Variants in MSRA observed in about 807,000 individuals in gnomAD.
MSRA encodes methionine sulfoxide reductase A, also known as mitochondrial peptide methionine sulfoxide reductase.
MSRA carries 54 observed loss-of-function variants against 31.3 expected under a neutral mutation model. The observed-to-expected ratio is 1.73, with a 90% CI of 1.39 to 2.17. The LOEUF (loss-of-function observed/expected upper bound fraction) is 2.17, where lower values mean the gene tolerates loss of function less well. MSRA is among the 30% of genes most tolerant of loss of function. The pLI is 0.00. For missense variants in MSRA, 507 were observed against 300.9 expected (o/e 1.69, Z -5.07); for synonymous variants, 169 against 116.5 (o/e 1.45, Z -2.90).
intron 2 of MSRA, among the ~76,000 whole-genome samples, chr8:10,235,920 C>T (rs138777678): frequency 6.6e-6 from 1 of 152,060 alleles, no homozygotes; most frequent in Non-Finnish European, 1.5e-5. Context: ...TAAAATAGCA[C>T]AGGTAGTTCA....
chr8:10,391,071 A>C (rs1392729663), intron 5 of MSRA, among the ~76,000 whole-genome samples: 1 of 152,150 alleles, frequency 6.6e-6, no homozygotes, highest in Non-Finnish European at 1.5e-5. Context: ...CTGGCACTTC[A>C]AAAAAGTAAA....
intron 2 of MSRA, among the ~76,000 whole-genome samples, chr8:10,228,521 A>G (rs748392716): frequency 3.9e-5 from 6 of 152,162 alleles, no homozygotes; most frequent in Non-Finnish European, 7.3e-5. Flanking sequence ...ATTTGATCCC[A>G]CAGCACCATC....
intron 1 of MSRA, among the ~76,000 whole-genome samples, chr8:10,073,213 C>T (rs990051921): frequency 6.6e-6 from 1 of 152,110 alleles, no homozygotes; most frequent in Non-Finnish European, 1.5e-5. Flanking sequence ...AAGCATTCAG[C>T]CTTTCACTAA....
intron 4 of MSRA, among the ~76,000 whole-genome samples, chr8:10,311,195 C>G (rs1417125581): frequency 3.9e-5 from 6 of 152,112 alleles, no homozygotes. Flanking sequence ...CCAAATTGCC[C>G]ACTGAAAGCA....
intron 1 of MSRA, among the ~76,000 whole-genome samples, chr8:10,189,448 C>A (rs1428816308): frequency 6.6e-6 from 1 of 152,112 alleles, no homozygotes; most frequent in Non-Finnish European, 1.5e-5. Context: ...AACGTTCGGT[C>A]TGTTACCATA....
chr8:10,391,022 T>G (rs1806711295), intron 5 of MSRA, among the ~76,000 whole-genome samples: 1 of 152,082 alleles, frequency 6.6e-6, no homozygotes, highest in Non-Finnish European at 1.5e-5. Context: ...TCTGAGTTTT[T>G]AGGGAGAAAC....
chr8:10,208,192 T>A (rs1461134965), intron 2 of MSRA, among the ~76,000 whole-genome samples: 1 of 151,912 alleles, frequency 6.6e-6, no homozygotes, highest in Non-Finnish European at 1.5e-5. Context: ...AGGGTTTGAG[T>A]TTTTCTTTGC....
chr8:10,134,479 G>A (rs1465469401), intron 1 of MSRA, among the ~76,000 whole-genome samples: 2 of 152,218 alleles, frequency 1.3e-5, no homozygotes, highest in African/African-American at 4.8e-5. Flanking sequence ...TCCCAAACAC[G>A]GTGACCGTGG....
chr8:10,226,808 C>T (rs1311167577), intron 2 of MSRA, among the ~76,000 whole-genome samples: 1 of 152,216 alleles, frequency 6.6e-6, no homozygotes, highest in Non-Finnish European at 1.5e-5. Flanking sequence ...CCTGTTAGAG[C>T]TCTACAGCTC....
chr8:10,071,458 C>CTTTTTT (rs77512999), intron 1 of MSRA, among the ~76,000 whole-genome samples: 3 of 129,264 alleles, frequency 2.3e-5, no homozygotes, highest in Non-Finnish European at 4.9e-5. Context: ...TTTTAATTTT[C>CTTTTTT]TTTTTTTTTT....
At chr8:10,123,017 G>A (rs780550933) in intron 1 of MSRA, among the ~76,000 whole-genome samples, 1 of 152,186 alleles carries the variant, frequency 6.6e-6, no homozygotes, top group African/African-American at 2.4e-5. Context: ...CTATATAGGA[G>A]AATGATTTAT....
chr8:10,259,691 A>G (rs1038043354), intron 3 of MSRA, among the ~76,000 whole-genome samples: 1 of 152,144 alleles, frequency 6.6e-6, no homozygotes, highest in African/African-American at 2.4e-5. Context: ...GAAACCCAGG[A>G]CTAGGGTTTC....
intron 3 of MSRA, among the ~76,000 whole-genome samples, chr8:10,279,831 A>G (rs186907741): frequency 1.8e-4 from 28 of 152,286 alleles, no homozygotes; most frequent in Admixed American, 1.7e-3. Context: ...GAATATGTAT[A>G]TATGTATGAT....
At chr8:10,271,765 C>T (rs948233482) in intron 3 of MSRA, among the ~76,000 whole-genome samples, 1 of 146,528 alleles carries the variant, frequency 6.8e-6, no homozygotes, top group Non-Finnish European at 1.5e-5. Flanking sequence ...GTCGCCCAGG[C>T]TGGAGTACAG....
intron 5 of MSRA, among the ~76,000 whole-genome samples, chr8:10,376,294 A>T (rs1180150717): frequency 1.3e-5 from 2 of 152,218 alleles, no homozygotes; most frequent in Non-Finnish European, 2.9e-5. Context: ...GGCTTCTACA[A>T]TGCAGCCAGG....
chr8:10,318,431 A>G (rs1801849880), intron 4 of MSRA, among the ~76,000 whole-genome samples: 2 of 152,122 alleles, frequency 1.3e-5, no homozygotes, highest in African/African-American at 4.8e-5. Context: ...TTATGACCTA[A>G]TTCTTCTGTA....
chr8:10,338,732 C>T (rs1443676031), intron 5 of MSRA, among the ~76,000 whole-genome samples: 1 of 152,082 alleles, frequency 6.6e-6, no homozygotes, highest in Non-Finnish European at 1.5e-5. Context: ...CAAGAAGTGC[C>T]ACCTGTGTAC....
chr8:10,144,208 C>A (rs932306349), intron 1 of MSRA, among the ~76,000 whole-genome samples: 1 of 152,150 alleles, frequency 6.6e-6, no homozygotes, highest in Non-Finnish European at 1.5e-5. Context: ...GTGCATATCG[C>A]TAGTCGTAGT....
At chr8:10,170,580 A>G (rs1397575731) in intron 1 of MSRA, among the ~76,000 whole-genome samples, 1 of 152,246 alleles carries the variant, frequency 6.6e-6, no homozygotes, top group East Asian at 1.9e-4. Context: ...AAAAAACACA[A>G]AAATACAGTG....
Sources: gnomAD v4.1 joint callset for allele counts (sites outside exome capture counted in the v4.1 genomes callset) on GRCh38, gnomAD v4.1.1 for gene constraint, MANE v1.5 for transcripts, NCBI Gene and HGNC (gene_info 2026-07-23, HGNC 2026-07-21) for gene names.